Variants in DLGAP1 observed in about 807,000 individuals in gnomAD.
The protein encoded by DLGAP1 is DLG associated protein 1, also known as disks large-associated protein 1.
Under a neutral mutation model 90.8 loss-of-function variants are expected in DLGAP1, and 11 were observed. The observed-to-expected ratio is 0.12, with a 90% CI of 0.08 to 0.20. DLGAP1 has a LOEUF of 0.20. DLGAP1 is among the 10% of genes least tolerant of loss of function. The pLI is 1.00. For synonymous variants in DLGAP1, 558 were observed against 540.7 expected (o/e 1.03, Z -0.44); for missense variants, 1,050 against 1,333.8 (o/e 0.79, Z 3.31).
chr18:4,139,755 C>G (rs1301496900), intron 2 of DLGAP1, among the ~76,000 whole-genome samples: 2 of 151,834 alleles, frequency 1.3e-5, no homozygotes, highest in African/African-American at 2.4e-5. Context: ...TTCCATCTCT[C>G]TCTTTAATAA....
In DLGAP1 at chr18:3,851,146, G is replaced by A. The variant is rs753212937; in HGVS notation, c.957+27966C>T. The stretch of plus-strand genomic sequence containing the variant: ...AAGTGGGAGGTATGAAGGGGTTCTA[G>A]ATATAGCAGAACTCAGAAATCTCTG... On this transcript the variant is annotated intron_variant, in intron 4 of 12. Coordinates refer to ENST00000315677, the MANE Select transcript of DLGAP1 (RefSeq NM_004746.4). Among the ~76,000 whole-genome samples the A allele has an allele frequency of 1.9e-4, 29 of 152,220 alleles. 2 individuals carry two copies. The Middle Eastern group carries it at 0.01, about 54-fold the overall frequency.
chr18:4,112,994 C>T (rs1259451269), intron 2 of DLGAP1, among the ~76,000 whole-genome samples: 1 of 151,972 alleles, frequency 6.6e-6, no homozygotes, highest in Non-Finnish European at 1.5e-5. Context: ...ACCACATTTC[C>T]TTTATCCAAT....
chr18:3,996,917 A>G (rs907992417), intron 3 of DLGAP1, among the ~76,000 whole-genome samples: 1 of 152,042 alleles, frequency 6.6e-6, no homozygotes, highest in African/African-American at 2.4e-5. Flanking sequence ...GATTTTGCAG[A>G]TATTGATGTT....
intron 4 of DLGAP1, among the ~76,000 whole-genome samples, chr18:3,871,334 G>C (rs1025671568): frequency 1.3e-5 from 2 of 152,176 alleles, no homozygotes. Flanking sequence ...TGAATGGGAA[G>C]CTACACCAGA....
intron 3 of DLGAP1, among the ~76,000 whole-genome samples, chr18:3,997,756 A>G (rs2074099775): frequency 6.6e-6 from 1 of 152,142 alleles, no homozygotes; most frequent in Non-Finnish European, 1.5e-5. Flanking sequence ...TATGTCACAA[A>G]TATTATGTAT....
At chr18:3,945,331 A>C (rs141637443) in intron 3 of DLGAP1, among the ~76,000 whole-genome samples, 1 of 152,330 alleles carries the variant, frequency 6.6e-6, no homozygotes, top group African/African-American at 2.4e-5. Context: ...CAAAGTATGA[A>C]ACATCTTACA....
intron 7 of DLGAP1, among the ~76,000 whole-genome samples, chr18:3,632,684 A>G (rs1452584421): frequency 6.6e-6 from 1 of 151,960 alleles, no homozygotes; most frequent in East Asian, 1.9e-4. Context: ...ATGCTTGGTT[A>G]TTTTTGACAG....
At chr18:3,725,417 G>T (rs1456349648) in intron 7 of DLGAP1, among the ~76,000 whole-genome samples, 1 of 152,172 alleles carries the variant, frequency 6.6e-6, no homozygotes, top group Non-Finnish European at 1.5e-5. Flanking sequence ...CCAATCCTCT[G>T]AAGTGGAGGT....
chr18:3,967,125 A>G (rs1369564847), intron 3 of DLGAP1, among the ~76,000 whole-genome samples: 1 of 152,194 alleles, frequency 6.6e-6, no homozygotes, highest in Non-Finnish European at 1.5e-5. Flanking sequence ...TCTTATTTTA[A>G]TATGTCTGTG....
chr18:4,099,296 CATCT>C (rs35397168), intron 2 of DLGAP1, among the ~76,000 whole-genome samples: 38,967 of 143,646 alleles, frequency 0.27, 5,274 homozygotes, highest in Admixed American at 0.33. Flanking sequence ...ATCTGTCTAT[CATCT>C]ATCTATCTAT....
intron 5 of DLGAP1, among the ~76,000 whole-genome samples, chr18:3,766,418 C>G (rs750117595): frequency 1.3e-5 from 2 of 152,114 alleles, no homozygotes; most frequent in Non-Finnish European, 2.9e-5. Flanking sequence ...ATTGACAGAA[C>G]TAGACAGAAA....
At chr18:3,635,363 C>A (rs756784863) in intron 7 of DLGAP1, among the ~76,000 whole-genome samples, 9 of 151,762 alleles carry the variant, frequency 5.9e-5, no homozygotes, top group Admixed American at 5.9e-4. Context: ...GTCTCGATCT[C>A]CTGACCTTGT....
chr18:3,874,675 G>T (rs772399125), intron 4 of DLGAP1: 66 of 1,535,144 alleles, frequency 4.3e-5, no homozygotes, highest in Non-Finnish European at 5.6e-5. Context: ...TCTCAACTGA[G>T]AATTAAACAG....
chr18:4,267,337 C>T (rs1203712368), intron 1 of DLGAP1, among the ~76,000 whole-genome samples: 2 of 152,146 alleles, frequency 1.3e-5, no homozygotes. Flanking sequence ...AATGGACTAT[C>T]AATGGGAAAC....
At chr18:4,196,732 T>C (rs2077504615) in intron 1 of DLGAP1, among the ~76,000 whole-genome samples, 1 of 152,254 alleles carries the variant, frequency 6.6e-6, no homozygotes, top group Non-Finnish European at 1.5e-5. Context: ...TCTGGCTTTG[T>C]TATGTGTATA....
chr18:3,873,633 A>G (rs1466680263), intron 4 of DLGAP1, among the ~76,000 whole-genome samples: 2 of 152,176 alleles, frequency 1.3e-5, no homozygotes, highest in Non-Finnish European at 2.9e-5. Context: ...CCCACTGGGC[A>G]AAGATGGAAA....
At chr18:4,111,718 TGG>T (rs1361723273) in intron 2 of DLGAP1, among the ~76,000 whole-genome samples, 2 of 152,194 alleles carry the variant, frequency 1.3e-5, no homozygotes, top group East Asian at 3.9e-4. Context: ...ATCTAATTTG[TGG>T]GCACACATTA....
At chr18:3,502,228 TAA>T in intron 12 of DLGAP1, 1 of 1,335,542 alleles carries the variant, frequency 7.5e-7, no homozygotes, top group Non-Finnish European at 9.6e-7. Flanking sequence ...TAAAATGGTT[TAA>T]CTTAAAGTTT....
chr18:4,126,123 G>A (rs1030930263), intron 2 of DLGAP1, among the ~76,000 whole-genome samples: 1 of 152,178 alleles, frequency 6.6e-6, no homozygotes, highest in African/African-American at 2.4e-5. Context: ...AGCCTGCACC[G>A]AGCAGGGACA....
Sources: gnomAD v4.1 joint callset for allele counts (sites outside exome capture counted in the v4.1 genomes callset) on GRCh38, gnomAD v4.1.1 for gene constraint, MANE v1.5 for transcripts, NCBI Gene and HGNC (gene_info 2026-07-23, HGNC 2026-07-21) for gene names.